Variants in IL1RAPL1 observed in about 807,000 individuals in gnomAD.
The protein encoded by IL1RAPL1 is interleukin-1 receptor accessory protein-like 1.
A neutral mutation model predicts 48.4 loss-of-function variants in IL1RAPL1; 3 were observed. That is an observed-to-expected ratio of 0.06 (90% CI 0.03 to 0.16). IL1RAPL1 has a LOEUF of 0.16. Ranked by LOEUF, IL1RAPL1 falls within the 10% of genes least tolerant of loss-of-function variation. The probability of loss-of-function intolerance (pLI) is 1.00; values close to 1 mark genes in which losing one functional copy is unlikely to be tolerated. For synonymous variants in IL1RAPL1, 185 were observed against 187.7 expected, an observed-to-expected ratio of 0.99 and a Z score of 0.12; for missense variants, 349 against 530.6, an observed-to-expected ratio of 0.66 and a Z score of 3.36.
At chrX:29,500,614 C>T (rs4829205) in intron 5 of IL1RAPL1, among the ~76,000 whole-genome samples, 42,928 of 110,666 alleles carry the variant, frequency 0.39, 6,276 homozygotes, top group East Asian at 0.69. Flanking sequence ...TTTTTTATGG[C>T]GGAATAATAT....
rs757793432 is a variant in IL1RAPL1, at chrX:29,803,041, A to G, written c.779-114423A>G. On this transcript the variant is annotated intron_variant, in intron 6 of 10. Coordinates refer to ENST00000378993, the MANE Select transcript of IL1RAPL1 (RefSeq NM_014271.4). ...TGTACATATACATGTATGCATATAT[A>G]CATATATGTGTACATATATATGTAT... 3.3e-3 allele frequency among the ~76,000 whole-genome samples: 270 copies of G among 82,714 alleles called. 11 individuals are homozygous for G. The highest frequency in any genetic ancestry group is 0.021 in the South Asian group (38 of 1,797). The allele number at this position is 82,714 out of a possible 115,157, so 71.8% of individuals were successfully genotyped here.
At chrX:29,247,864 A>T (rs1188296525) in intron 2 of IL1RAPL1, among the ~76,000 whole-genome samples, 1 of 111,665 alleles carries the variant, frequency 9.0e-6, no homozygotes, top group Admixed American at 9.6e-5. Flanking sequence ...TCATGGAAGG[A>T]TAATTATTTG....
intron 1 of IL1RAPL1, among the ~76,000 whole-genome samples, chrX:28,678,247 C>G (rs1448722172): frequency 1.8e-5 from 2 of 111,092 alleles, no homozygotes; most frequent in South Asian, 3.8e-4. Flanking sequence ...AGTAATCGCC[C>G]GTTGGAAGAT....
intron 2 of IL1RAPL1, among the ~76,000 whole-genome samples, chrX:29,252,170 A>G (rs1931640497): frequency 8.9e-6 from 1 of 112,793 alleles, no homozygotes; most frequent in Non-Finnish European, 1.9e-5. Flanking sequence ...ATGCTAGATG[A>G]CGAGTTAGTG....
intron 6 of IL1RAPL1, among the ~76,000 whole-genome samples, chrX:29,722,154 T>A (rs1361189337): frequency 9.0e-6 from 1 of 111,675 alleles, no homozygotes; most frequent in African/African-American, 3.3e-5. Context: ...CAAATTAACA[T>A]TTACCTTCCC....
At chrX:29,921,132 G>T (rs1282207716) in intron 8 of IL1RAPL1, among the ~76,000 whole-genome samples, 1 of 112,304 alleles carries the variant, frequency 8.9e-6, no homozygotes, top group Admixed American at 9.4e-5. Context: ...ATATTGAATT[G>T]TTTGAAATAA....
At chrX:29,499,663 G>A (rs747856744) in intron 5 of IL1RAPL1, among the ~76,000 whole-genome samples, 2 of 111,471 alleles carry the variant, frequency 1.8e-5, no homozygotes, top group Non-Finnish European at 3.8e-5. Flanking sequence ...CGGTACAACT[G>A]TTCCCCCAAA....
At chrX:29,601,691 G>A (rs890862408) in intron 5 of IL1RAPL1, among the ~76,000 whole-genome samples, 3 of 112,339 alleles carry the variant, frequency 2.7e-5, no homozygotes, top group South Asian at 3.7e-4. Context: ...AATGAGACAT[G>A]CTTTGATTAA....
intron 1 of IL1RAPL1, among the ~76,000 whole-genome samples, chrX:28,693,355 G>A (rs1366665989): frequency 8.9e-6 from 1 of 112,366 alleles, no homozygotes; most frequent in Non-Finnish European, 1.9e-5. Flanking sequence ...CCAAAGCTAT[G>A]TATTGCCATT....
chrX:29,178,810 A>C (rs1017532927), intron 2 of IL1RAPL1, among the ~76,000 whole-genome samples: 5 of 112,100 alleles, frequency 4.5e-5, no homozygotes, highest in African/African-American at 9.7e-5. Flanking sequence ...AGCTTTCTAC[A>C]TATGGCTAGC....
intron 3 of IL1RAPL1, among the ~76,000 whole-genome samples, chrX:29,342,112 TTGTGTGTGTGTGTG>T (rs753779178): frequency 1.0e-4 from 9 of 87,681 alleles, no homozygotes; most frequent in South Asian, 6.4e-4. Flanking sequence ...CGGCCTTGTT[TTGTGTGTGTGTGTG>T]TGTGTGTGTG....
chrX:29,644,859 G>A (rs752482277), intron 5 of IL1RAPL1, among the ~76,000 whole-genome samples: 1 of 112,637 alleles, frequency 8.9e-6, no homozygotes, highest in South Asian at 3.7e-4. Context: ...GAGCCACCAC[G>A]CCCAGCCTCT....
intron 1 of IL1RAPL1, among the ~76,000 whole-genome samples, chrX:28,752,346 C>T (rs1392449448): frequency 1.8e-5 from 2 of 111,612 alleles, no homozygotes; most frequent in Non-Finnish European, 3.8e-5. Context: ...CACAAAAAGA[C>T]GAGCTGCTCT....
chrX:29,453,667 A>G (rs370332110), intron 5 of IL1RAPL1, among the ~76,000 whole-genome samples: 1 of 111,602 alleles, frequency 9.0e-6, no homozygotes, highest in East Asian at 2.8e-4. Flanking sequence ...TATTAGATCT[A>G]GGCCCTACCT....
intron 3 of IL1RAPL1, among the ~76,000 whole-genome samples, chrX:29,385,087 G>A (rs1933757585): frequency 9.0e-6 from 1 of 111,473 alleles, no homozygotes; most frequent in Non-Finnish European, 1.9e-5. Context: ...TAAAACTAGT[G>A]GCAGTAATTA....
At chrX:29,042,203 G>C (rs1475035514) in intron 2 of IL1RAPL1, among the ~76,000 whole-genome samples, 1 of 111,790 alleles carries the variant, frequency 8.9e-6, no homozygotes, top group East Asian at 2.8e-4. Context: ...TTATTCCATA[G>C]AGGCCCAATG....
chrX:29,504,065 A>G (rs967563920), intron 5 of IL1RAPL1, among the ~76,000 whole-genome samples: 1 of 107,315 alleles, frequency 9.3e-6, no homozygotes, highest in Non-Finnish European at 1.9e-5. Context: ...GGTTCAAGTG[A>G]TTCTCCTGCC....
rs1354753394 is a variant in IL1RAPL1, at chrX:28,768,784, C to T, written c.-24-20536C>T. ...ATATATATATATATATATATACACACACTATATATATACAGACATTATATA... is the reference window on the plus strand; with the variant it reads ...ATATATATATATATATATATACACATACTATATATATACAGACATTATATA... On this transcript the variant is annotated intron_variant, in intron 1 of 10. Coordinates refer to ENST00000378993, the MANE Select transcript of IL1RAPL1 (RefSeq NM_014271.4). Among the ~76,000 whole-genome samples the T allele has an allele frequency of 8.9e-5, 6 of 67,337 alleles. No individual in the cohort carries two copies. The South Asian group carries it at 2.7e-3, about 31-fold the overall frequency. The allele number at this position is 67,337 out of a possible 115,157, so 58.5% of individuals were successfully genotyped here.
At chrX:29,284,634 A>G (rs2147600942) in intron 3 of IL1RAPL1, among the ~76,000 whole-genome samples, 1 of 111,908 alleles carries the variant, frequency 8.9e-6, no homozygotes, top group East Asian at 2.8e-4. Context: ...GATCCCAGCT[A>G]CTTGGGAGGC....
Sources: gnomAD v4.1 joint callset for allele counts (sites outside exome capture counted in the v4.1 genomes callset) on GRCh38, gnomAD v4.1.1 for gene constraint, MANE v1.5 for transcripts, NCBI Gene and HGNC (gene_info 2026-07-23, HGNC 2026-07-21) for gene names.